TRDN: variants seen among roughly 807,000 people sequenced by gnomAD.
TRDN encodes the protein triadin, also known as triadin in skeletal muscle.
TRDN carries 161 observed loss-of-function variants against 149.7 expected under a neutral mutation model. The observed-to-expected ratio is 1.08, with a 90% CI of 0.95 to 1.23. The LOEUF is 1.23. TRDN is among the 50% of genes most tolerant of loss of function. The pLI is 0.00. For missense variants in TRDN, 896 were observed against 823.5 expected, an observed-to-expected ratio of 1.09 and a Z score of -1.08; for synonymous variants, 294 against 250.5, an observed-to-expected ratio of 1.17 and a Z score of -1.64.
At chr6:123,396,523 A>G (rs1311943981) in intron 12 of TRDN, among the ~76,000 whole-genome samples, 2 of 152,222 alleles carry the variant, frequency 1.3e-5, no homozygotes, top group Admixed American at 1.3e-4. Context: ...GATAAATAGT[A>G]TTTTGGACTT....
intron 24 of TRDN, among the ~76,000 whole-genome samples, chr6:123,304,234 T>C (rs910365746): frequency 4.0e-5 from 6 of 149,648 alleles, no homozygotes; most frequent in African/African-American, 1.5e-4. Context: ...TATATGAATA[T>C]TAATTTTCTT....
intron 24 of TRDN, among the ~76,000 whole-genome samples, chr6:123,282,630 A>G (rs1228481784): frequency 2.6e-5 from 4 of 151,838 alleles, no homozygotes; most frequent in South Asian, 2.1e-4. Flanking sequence ...GTAAAAGTAG[A>G]AAAAAGTAAA....
chr6:123,450,099 C>T (rs1018920863), intron 10 of TRDN, among the ~76,000 whole-genome samples: 57 of 152,268 alleles, frequency 3.7e-4, no homozygotes, highest in African/African-American at 1.3e-3. Flanking sequence ...CCTGGAAACA[C>T]ATCAAAACAG....
At chr6:123,331,012 C>A (rs2114725539) in intron 23 of TRDN, among the ~76,000 whole-genome samples, 1 of 152,146 alleles carries the variant, frequency 6.6e-6, no homozygotes, top group South Asian at 2.1e-4. Flanking sequence ...GGCTCTTCTT[C>A]TAACATTCAC....
intron 1 of TRDN, among the ~76,000 whole-genome samples, chr6:123,579,115 T>C (rs1368776877): frequency 2.0e-5 from 3 of 152,194 alleles, no homozygotes; most frequent in Non-Finnish European, 2.9e-5. Flanking sequence ...TTTGACTTTC[T>C]ATCTTCCTAT....
chr6:123,497,000 G>A (rs552068761), intron 9 of TRDN, among the ~76,000 whole-genome samples, 193 bp downstream of exon 9: 89 of 151,886 alleles, frequency 5.9e-4, no homozygotes, highest in Non-Finnish European at 1.2e-3. Context: ...ATTTGCAATA[G>A]GCCATGCAGT....
chr6:123,278,430 T>C, intron 25 of TRDN, 83 bp from the exon 26 acceptor site: 5 of 888,070 alleles, frequency 5.6e-6, no homozygotes, highest in Non-Finnish European at 7.6e-6. Flanking sequence ...TATTTTTATA[T>C]AATTATTTTC....
At chr6:123,443,277 G>C (rs993442835) in intron 10 of TRDN, among the ~76,000 whole-genome samples, 11 of 141,230 alleles carry the variant, frequency 7.8e-5, no homozygotes, top group Admixed American at 1.4e-4. Flanking sequence ...TAAAGATTAG[G>C]AAAAAAAAAA....
chr6:123,546,477 C>A (rs1781120196), intron 4 of TRDN, among the ~76,000 whole-genome samples: 1 of 152,084 alleles, frequency 6.6e-6, no homozygotes, highest in Admixed American at 6.6e-5. Flanking sequence ...TAGGAGAGAG[C>A]AACAGAAGCC....
chr6:123,355,766 C>T (rs1780647126), intron 20 of TRDN, among the ~76,000 whole-genome samples: 1 of 151,634 alleles, frequency 6.6e-6, no homozygotes, highest in Admixed American at 6.6e-5. Context: ...CATAAAATAT[C>T]CCTCCATTGA....
At chr6:123,339,165 C>T (rs888375998) in intron 21 of TRDN, among the ~76,000 whole-genome samples, 4 of 151,826 alleles carry the variant, frequency 2.6e-5, no homozygotes, top group Admixed American at 1.3e-4. Context: ...CCAGCATGCC[C>T]GGCTAATTTT....
At chr6:123,436,345 C>T (rs1241587876) in intron 12 of TRDN, among the ~76,000 whole-genome samples, 1 of 152,048 alleles carries the variant, frequency 6.6e-6, no homozygotes, top group Non-Finnish European at 1.5e-5. Flanking sequence ...CAATAGACTA[C>T]AATAATACAG....
rs189826979 is a variant in TRDN at position 123,435,216 on chromosome 6, T to C, written c.1051+2847A>G. On this transcript the variant is annotated intron_variant, in intron 12 of 40. Coordinates refer to ENST00000334268, the MANE Select transcript of TRDN (RefSeq NM_006073.4). ...ATTAAATAAGCATGTAGGCATATCT[T>C]ATGCCTTATAAATTTGCTATTTGGG... is the stretch of plus-strand genomic sequence containing the variant. 4.6e-5 allele frequency among the ~76,000 whole-genome samples: 7 copies of C among 151,994 alleles called. No individual in the cohort carries two copies. In the East Asian group the frequency reaches 1.4e-3, roughly 29 times the overall value.
intron 12 of TRDN, among the ~76,000 whole-genome samples, chr6:123,412,507 T>C (rs947574002): frequency 2.0e-5 from 3 of 152,212 alleles, no homozygotes; most frequent in Non-Finnish European, 4.4e-5. Flanking sequence ...TGGATAGTGC[T>C]GGAAGACCAT....
At chr6:123,519,482 T>C (rs935434578) in intron 5 of TRDN, among the ~76,000 whole-genome samples, 2 of 59,836 alleles carry the variant, frequency 3.3e-5, no homozygotes, top group African/African-American at 7.4e-5. Context: ...GGTTTTTTTT[T>C]TTTTTTTTTA....
chr6:123,408,814 G>A (rs981230478), intron 12 of TRDN, among the ~76,000 whole-genome samples: 4 of 152,034 alleles, frequency 2.6e-5, no homozygotes, highest in African/African-American at 9.7e-5. Flanking sequence ...AATAATCTCT[G>A]ACAAGAAAAA....
intron 9 of TRDN, among the ~76,000 whole-genome samples, chr6:123,479,217 T>G (rs917138853): frequency 6.6e-6 from 1 of 152,138 alleles, no homozygotes; most frequent in South Asian, 2.1e-4. Context: ...ATATTTGTGG[T>G]TTTTTTCCCC....
chr6:123,562,324 T>C (rs1782047096), intron 2 of TRDN, among the ~76,000 whole-genome samples: 3 of 152,212 alleles, frequency 2.0e-5, no homozygotes, highest in Admixed American at 2.0e-4. Context: ...GCATGTTTGG[T>C]GGTCTCTTCA....
chr6:123,378,484 G>GTGTGTGTGTGTT (rs930988816), intron 16 of TRDN, among the ~76,000 whole-genome samples: 2 of 151,582 alleles, frequency 1.3e-5, no homozygotes, highest in Non-Finnish European at 2.9e-5. Flanking sequence ...GTGTGTGTGT[G>GTGTGTGTGTGTT]TGTGTGTGTG....
Sources: allele counts gnomAD v4.1 joint callset (sites outside exome capture counted in the v4.1 genomes callset), GRCh38; gene constraint gnomAD v4.1.1; transcripts MANE v1.5; gene names NCBI Gene and HGNC (gene_info 2026-07-23, HGNC 2026-07-21).